Variants in CLHC1 observed in about 807,000 individuals in gnomAD.
The protein encoded by CLHC1 is clathrin heavy chain linker domain containing 1.
Under a neutral mutation model 69.5 loss-of-function variants are expected in CLHC1, and 72 were observed. The observed-to-expected ratio is 1.04, with a 90% CI of 0.86 to 1.26. The LOEUF is 1.26. Ranked by LOEUF, CLHC1 falls within the 50% of genes most tolerant of loss-of-function variation. CLHC1 has a pLI of 0.00. For missense variants in CLHC1, 790 were observed against 679.3 expected, an observed-to-expected ratio of 1.16 and a Z score of -1.81; for synonymous variants, 223 against 224.3, an observed-to-expected ratio of 0.99 and a Z score of 0.05.
At position 55,206,299 on chromosome 2, in the gene CLHC1, C is replaced by G. The variant is rs188020276; in HGVS notation, c.977G>C (p.Arg326Pro). The change falls in exon 9 of 13, where the codon CGA (arginine) becomes CCA (proline). Residue 326 changes from arginine to proline, a missense_variant. Physicochemically the swap from Arg to Pro is moderately radical, Grantham distance 103 (BLOSUM62 -2). Coordinates refer to ENST00000401408, the MANE Select transcript of CLHC1 (RefSeq NM_152385.4). Reference sequence around the variant, plus strand: ...AAATGTATTCATTGTACCAATGTTTCGAAGAATTCTTCTAGGACTGTTTGC... The same window carrying G: ...AAATGTATTCATTGTACCAATGTTTGGAAGAATTCTTCTAGGACTGTTTGC... ...YAANSPRRIL[R>P]NIGTMNTFKA... is the part of the protein sequence containing the mutation. 6.2e-7 allele frequency: 1 copy of G among 1,607,274 alleles called. No individual in the cohort carries two copies. The highest frequency in any genetic ancestry group is 1.7e-4 in the Middle Eastern group (1 of 6,036).
At chr2:55,229,801 T>C (rs1675087745) in intron 1 of CLHC1, among the ~76,000 whole-genome samples, 1 of 152,180 alleles carries the variant, frequency 6.6e-6, no homozygotes, top group South Asian at 2.1e-4. Context: ...TGGCCAGGCA[T>C]GGTGGCTCAT....
rs552325832 is a variant in CLHC1, at chr2:55,195,801, A to AAAAC, written c.1006+10465_1006+10468dup. ...GTGACAGAGTGAGACTCTTGTCTCAAAAACAAACAAACAAACAAACAAAGA... is the reference window on the plus strand; with the variant it reads ...GTGACAGAGTGAGACTCTTGTCTCAAAAACAAACAAACAAACAAACAAACAAAGA... On this transcript the variant is annotated intron_variant, in intron 9 of 12. Transcript: ENST00000401408. 8.9e-4 allele frequency among the ~76,000 whole-genome samples: 136 copies of AAAAC among 152,312 alleles called. 1 individual carries two copies. Among genetic ancestry groups the AAAAC allele is most frequent in the Admixed American group, 2.0e-3 (30 of 15,292 alleles).
chr2:55,193,278 C>G (rs1471206426), intron 9 of CLHC1, among the ~76,000 whole-genome samples: 1 of 151,812 alleles, frequency 6.6e-6, no homozygotes, highest in Non-Finnish European at 1.5e-5. Flanking sequence ...ATAAGTGGAA[C>G]TTATCAAAAT....
chr2:55,196,074 AC>A (rs980092050), intron 9 of CLHC1, among the ~76,000 whole-genome samples: 2 of 152,170 alleles, frequency 1.3e-5, no homozygotes, highest in South Asian at 4.1e-4. Context: ...ACTCAGTGCC[AC>A]CCTTCCACAG....
At chr2:55,188,740 G>A (rs1477440416) in intron 9 of CLHC1, among the ~76,000 whole-genome samples, 1 of 151,222 alleles carries the variant, frequency 6.6e-6, no homozygotes. Context: ...TTTCAATCTA[G>A]AAGATTTAAA....
intron 11 of CLHC1, among the ~76,000 whole-genome samples, chr2:55,178,319 A>G (rs915458637): frequency 6.6e-6 from 1 of 152,236 alleles, no homozygotes; most frequent in South Asian, 2.1e-4. Context: ...TTCAAAAATG[A>G]AAACTTTAAG....
intron 3 of CLHC1, among the ~76,000 whole-genome samples, chr2:55,221,303 T>C (rs886954142): frequency 8.5e-5 from 13 of 152,198 alleles, no homozygotes; most frequent in Admixed American, 8.5e-4. Flanking sequence ...CATAAATAAA[T>C]TAGGATTGGT....
chr2:55,201,266 C>A (rs541416013), intron 9 of CLHC1, among the ~76,000 whole-genome samples: 1 of 150,856 alleles, frequency 6.6e-6, no homozygotes, highest in East Asian at 1.9e-4. Flanking sequence ...TTGACAAATC[C>A]TTAGCCAAAC....
In CLHC1 at chr2:55,177,714, C is replaced by G; in HGVS notation, c.1452G>C (p.Leu484Phe). 6.2e-7 allele frequency: 1 copy of G among 1,613,092 alleles called. No homozygotes were observed. Among genetic ancestry groups the G allele is most frequent in the African/African-American group, 1.3e-5 (1 of 75,004 alleles). Residue 484 changes from leucine (L) to phenylalanine (F), a missense_variant, in exon 12 of 13, where the codon TTG becomes TTC. Leu to Phe is a conservative substitution (Grantham distance 22). Coordinates refer to ENST00000401408, the MANE Select transcript of CLHC1 (RefSeq NM_152385.4). ...VELIQCLTKELNEKQPSLSFG... is the reference protein window; with the variant it reads ...VELIQCLTKEFNEKQPSLSFG... ...AAGATAAAGATGGTTGTTTCTCATT[C>G]AACTCTTTAGTGAGACACTGAATTA...
chr2:55,209,351 C>A (rs546846309), intron 7 of CLHC1, 53 bp downstream of exon 7: 2 of 1,112,572 alleles, frequency 1.8e-6, no homozygotes, highest in Admixed American at 2.2e-5. Context: ...AACTAGCTAG[C>A]GAAAAAAATG....
Position 55,208,666 on chromosome 2 carries a change from T to G in CLHC1, c.859A>C (p.Arg287=), listed in dbSNP as rs767322772. The G allele has an allele frequency of 3.1e-6, 5 of 1,612,664 alleles. No individual in the cohort carries two copies. The South Asian group carries it at 4.4e-5, about 14-fold the overall frequency. Residue 287 remains arginine (R), a synonymous_variant, in exon 8 of 13, where the codon AGG becomes CGG. Coordinates refer to ENST00000401408, the MANE Select transcript of CLHC1 (RefSeq NM_152385.4). ...VEELMEDDPR[R]AKEAEIMLHY... The stretch of plus-strand genomic sequence containing the variant: ...AGCATAATTTCAGCTTCTTTTGCCC[T>G]GCGTGGATCATCTTCCATTAGTTCT...
At chr2:55,218,138 C>A (rs1683241028) in intron 3 of CLHC1, 140 bp from the exon 4 acceptor site, 1 of 470,750 alleles carries the variant, frequency 2.1e-6, no homozygotes, top group Non-Finnish European at 3.6e-6. Context: ...ACAGCAAGCT[C>A]AAACATAATT....
intron 9 of CLHC1, among the ~76,000 whole-genome samples, chr2:55,187,857 A>G (rs1299419913): frequency 1.3e-5 from 2 of 152,184 alleles, no homozygotes; most frequent in Non-Finnish European, 2.9e-5. Context: ...ATCTTAAGAT[A>G]TCATAATGAG....
chr2:55,222,465 C>A lies in CLHC1; in HGVS notation c.-54G>T. ...AAGAACAGCTAAATCTTGACCTGCT[C>A]TTGCAACAAAGCCAAAACTTTGATA... On this transcript the variant is annotated 5_prime_UTR_variant, in exon 3 of 13. Coordinates refer to ENST00000401408, the MANE Select transcript of CLHC1 (RefSeq NM_152385.4). 2 of 1,414,682 alleles carry A rather than the reference C, an allele frequency of 1.4e-6. No homozygotes were observed. 87.6% of individuals were successfully genotyped at this position (1,414,682 alleles called of 1,614,324 possible).
chr2:55,222,542 G>A, intron 2 of CLHC1, 49 bp from the exon 3 acceptor site: 3 of 616,908 alleles, frequency 4.9e-6, no homozygotes, highest in Non-Finnish European at 8.0e-6. Context: ...TTTAACTTAA[G>A]TCAAATATTG....
intron 9 of CLHC1, among the ~76,000 whole-genome samples, chr2:55,193,682 G>A (rs1341973997): frequency 6.6e-6 from 1 of 152,170 alleles, no homozygotes; most frequent in Non-Finnish European, 1.5e-5. Flanking sequence ...TAGCAGGAAT[G>A]GAAAACGGTG....
intron 9 of CLHC1, among the ~76,000 whole-genome samples, chr2:55,201,878 T>C (rs72916758): frequency 0.026 from 3,927 of 152,226 alleles, 166 homozygotes; most frequent in African/African-American, 0.09. Context: ...ATCAATGTAA[T>C]GTATCCTATA....
intron 9 of CLHC1, 24 bp from the exon 10 acceptor site, chr2:55,181,768 G>C (rs1295516152): frequency 6.3e-7 from 1 of 1,589,364 alleles, no homozygotes; most frequent in Admixed American, 1.8e-5. Flanking sequence ...AAAATTTTCT[G>C]AGTCAAATAC....
chr2:55,195,929 G>C (rs1403715866), intron 9 of CLHC1, among the ~76,000 whole-genome samples: 1 of 152,236 alleles, frequency 6.6e-6, no homozygotes, highest in East Asian at 1.9e-4. Flanking sequence ...TACTGAAAGA[G>C]GCACTGAAGA....
Sources: gnomAD v4.1 joint callset for allele counts (sites outside exome capture counted in the v4.1 genomes callset) on GRCh38, gnomAD v4.1.1 for gene constraint, MANE v1.5 for transcripts, NCBI Gene and HGNC (gene_info 2026-07-23, HGNC 2026-07-21) for gene names.